The following SOX5 variants were observed in gnomAD, a reference collection of about 807,000 sequenced individuals.
The protein encoded by SOX5 is transcription factor SOX-5.
A neutral mutation model predicts 92.0 loss-of-function variants in SOX5; 9 were observed. The ratio of observed to expected loss-of-function variants is 0.10; its 90% CI spans 0.06 to 0.17. SOX5 has a LOEUF of 0.17. Ranked by LOEUF, SOX5 falls within the 10% of genes least tolerant of loss-of-function variation. The probability of loss-of-function intolerance (pLI) is 1.00; values close to 1 mark genes in which losing one functional copy is unlikely to be tolerated. For missense variants in SOX5, 642 were observed against 944.5 expected (o/e 0.68, Z 4.20); for synonymous variants, 344 against 336.3 (o/e 1.02, Z -0.25).
chr12:23,673,692 C>T (rs1368218958), intron 6 of SOX5, among the ~76,000 whole-genome samples: 1 of 151,672 alleles, frequency 6.6e-6, no homozygotes, highest in Non-Finnish European at 1.5e-5. Context: ...ATAAAAATGG[C>T]AGTATTCTTA....
At chr12:24,281,102 GAA>G (rs1945136868) in intron 2 of SOX5, among the ~76,000 whole-genome samples, 1 of 151,324 alleles carries the variant, frequency 6.6e-6, no homozygotes, top group Non-Finnish European at 1.5e-5. Context: ...GGTACAAATA[GAA>G]AAGAGAATAA....
intron 3 of SOX5, among the ~76,000 whole-genome samples, chr12:24,264,283 C>T (rs1942693981): frequency 6.6e-6 from 1 of 152,146 alleles, no homozygotes; most frequent in African/African-American, 2.4e-5. Context: ...TATTAAATTT[C>T]TGTCACTCCT....
chr12:24,350,905 T>G (rs745476086), intron 2 of SOX5, among the ~76,000 whole-genome samples: 1 of 151,910 alleles, frequency 6.6e-6, no homozygotes, highest in African/African-American at 2.4e-5. Context: ...ATATAAAAAT[T>G]AGCCGAGTAT....
chr12:23,642,895 G>T (rs1373015545), intron 7 of SOX5, among the ~76,000 whole-genome samples: 1 of 113,798 alleles, frequency 8.8e-6, no homozygotes, highest in African/African-American at 2.7e-5. Flanking sequence ...AGACCATCCC[G>T]GCTAAAACGG....
intron 3 of SOX5, among the ~76,000 whole-genome samples, chr12:23,789,888 A>G (rs1350966853): frequency 1.3e-5 from 2 of 152,152 alleles, no homozygotes; most frequent in Non-Finnish European, 2.9e-5. Context: ...CTTTTGAAAA[A>G]CAACAAATCT....
chr12:24,553,371 C>T lies in SOX5; in HGVS notation c.-251+8958G>A, dbSNP rs140382781. Among the ~76,000 whole-genome samples the T allele has an allele frequency of 3.0e-3, 452 of 152,274 alleles. 1 individual carries two copies. Among genetic ancestry groups the T allele is most frequent in the Non-Finnish European group, 4.6e-3 (313 of 68,004 alleles). ...GCTGGGAGGGTTAAATGAGATTATCCATGTATGGCATCTAGCACCCCTCCT... is the reference window on the plus strand; with the variant it reads ...GCTGGGAGGGTTAAATGAGATTATCTATGTATGGCATCTAGCACCCCTCCT... On this transcript the variant is annotated intron_variant, in intron 1 of 4. Transcript: ENST00000446891.
At chr12:23,982,361 G>A (rs980120787) in intron 4 of SOX5, among the ~76,000 whole-genome samples, 26 of 152,262 alleles carry the variant, frequency 1.7e-4, no homozygotes, top group African/African-American at 6.0e-4. Flanking sequence ...TCCTTCATGG[G>A]AATATATGGT....
intron 4 of SOX5, among the ~76,000 whole-genome samples, chr12:24,088,222 T>C (rs900665289): frequency 3.3e-5 from 5 of 152,050 alleles, no homozygotes; most frequent in Non-Finnish European, 5.9e-5. Context: ...TCAGCATCAA[T>C]TTAAGAGTAA....
At chr12:23,903,765 G>T (rs943918798) in intron 1 of SOX5, among the ~76,000 whole-genome samples, 1 of 152,096 alleles carries the variant, frequency 6.6e-6, no homozygotes, top group Admixed American at 6.6e-5. Flanking sequence ...ACATTTACTT[G>T]TCTGGTTCCT....
chr12:23,584,248 A>T (rs1435594183), intron 9 of SOX5, among the ~76,000 whole-genome samples: 1 of 152,102 alleles, frequency 6.6e-6, no homozygotes, highest in Non-Finnish European at 1.5e-5. Context: ...CGGGGGGAAA[A>T]AACCACTGAT....
rs992710379 is a variant in SOX5, at chr12:24,368,882, T to C, written c.-250-243A>G. Among the ~76,000 whole-genome samples the C allele has an allele frequency of 2.6e-5, 4 of 152,340 alleles. No individual in the cohort carries two copies. The South Asian group carries it at 8.3e-4, about 32-fold the overall frequency. On this transcript the variant is annotated intron_variant, in intron 1 of 4. Coordinates refer to the SOX5 transcript ENST00000446891. ...AAATGGTTATTATATTACATATCAT[T>C]ATACTCTTTCAGTTTTGGTGGAAGC...
chr12:23,748,361 T>C (rs2094067074), intron 4 of SOX5, among the ~76,000 whole-genome samples: 1 of 151,984 alleles, frequency 6.6e-6, no homozygotes, highest in African/African-American at 2.4e-5. Context: ...AATGTACAAT[T>C]TTATGCACAG....
intron 8 of SOX5, among the ~76,000 whole-genome samples, chr12:23,628,122 C>G (rs1247283670): frequency 6.6e-6 from 1 of 151,834 alleles, no homozygotes. Context: ...TTTGGTTTAA[C>G]TTTTTTTGTT....
At chr12:23,607,929 C>T (rs61923849) in intron 8 of SOX5, among the ~76,000 whole-genome samples, 31,587 of 151,428 alleles carry the variant, frequency 0.21, 4,101 homozygotes, top group Middle Eastern at 0.33. Context: ...TCTAAAACAT[C>T]GGAAACAAAC....
chr12:24,157,239 T>C (rs1027137072), intron 4 of SOX5, among the ~76,000 whole-genome samples: 1 of 152,116 alleles, frequency 6.6e-6, no homozygotes, highest in African/African-American at 2.4e-5. Flanking sequence ...TTTGATTAAG[T>C]AAATATAAAT....
At chr12:24,119,995 T>C (rs1948450988) in intron 4 of SOX5, among the ~76,000 whole-genome samples, 2 of 152,228 alleles carry the variant, frequency 1.3e-5, no homozygotes, top group African/African-American at 4.8e-5. Flanking sequence ...TTGTGTGCAG[T>C]TGTAGATCAC....
intron 9 of SOX5, among the ~76,000 whole-genome samples, chr12:23,577,191 A>ATATATATTTTTT (rs71059907): frequency 6.5e-5 from 4 of 61,390 alleles, no homozygotes; most frequent in Non-Finnish European, 1.3e-4. Context: ...ATATATATAT[A>ATATATATTTTTT]TTTTTTTTTT....
chr12:23,684,027 G>T (rs1435403742), intron 6 of SOX5, among the ~76,000 whole-genome samples: 2 of 151,892 alleles, frequency 1.3e-5, no homozygotes, highest in African/African-American at 4.8e-5. Flanking sequence ...GGTAGAGAAG[G>T]GAAAAACCTA....
At chr12:24,308,996 A>G (rs532622331) in intron 2 of SOX5, among the ~76,000 whole-genome samples, 2 of 152,338 alleles carry the variant, frequency 1.3e-5, no homozygotes, top group African/African-American at 4.8e-5. Flanking sequence ...TGAATCAGCA[A>G]TGAATGTGAA....
Sources: gnomAD v4.1 joint callset for allele counts (sites outside exome capture counted in the v4.1 genomes callset) on GRCh38, gnomAD v4.1.1 for gene constraint, MANE v1.5 for transcripts, NCBI Gene and HGNC (gene_info 2026-07-23, HGNC 2026-07-21) for gene names.